The following KSR1 variants were observed in gnomAD, a reference collection of about 807,000 sequenced individuals.
KSR1 encodes the protein kinase suppressor of ras.
A neutral mutation model predicts 92.9 loss-of-function variants in KSR1; 35 were observed. The ratio of observed to expected loss-of-function variants is 0.38; its 90% confidence interval spans 0.29 to 0.50. The LOEUF is 0.50. KSR1 is among the 20% of genes least tolerant of loss of function. The probability of loss-of-function intolerance (pLI) is 0.94; values close to 1 mark genes in which losing one functional copy is unlikely to be tolerated. For missense variants in KSR1, 972 were observed against 1,158.5 expected (o/e 0.84, Z 2.34); for synonymous variants, 467 against 472.6 (o/e 0.99, Z 0.15).
At chr17:27,592,275 C>T (rs1395760397) in intron 7 of KSR1, 86 bp from the exon 8 acceptor site, 2 of 1,016,250 alleles carry the variant, frequency 2.0e-6, no homozygotes, top group African/African-American at 1.6e-5. Context: ...GGAGACAGTC[C>T]TGAGTGAATG....
At chr17:27,522,872 T>C (rs560000984) in intron 1 of KSR1, among the ~76,000 whole-genome samples, 2 of 152,294 alleles carry the variant, frequency 1.3e-5, no homozygotes, top group East Asian at 3.9e-4. Context: ...AGACAACATT[T>C]TGGGGAGAGT....
intron 3 of KSR1, among the ~76,000 whole-genome samples, chr17:27,582,434 A>G (rs1672698627): frequency 6.6e-6 from 1 of 152,164 alleles, no homozygotes; most frequent in African/African-American, 2.4e-5. Flanking sequence ...AACCTGTGGT[A>G]GTATCTGCGC....
chr17:27,516,852 C>T (rs972344705), intron 1 of KSR1, among the ~76,000 whole-genome samples: 23 of 152,062 alleles, frequency 1.5e-4, no homozygotes, highest in Non-Finnish European at 2.9e-4. Context: ...TATACATTTT[C>T]GTGAGACATA....
intron 9 of KSR1, among the ~76,000 whole-genome samples, chr17:27,596,718 C>T (rs1443065971): frequency 1.3e-5 from 2 of 152,218 alleles, no homozygotes; most frequent in Non-Finnish European, 2.9e-5. Context: ...GACTGTACAC[C>T]TCTCGCTTAT....
intron 2 of KSR1, among the ~76,000 whole-genome samples, chr17:27,561,740 C>A (rs1479313213): frequency 1.3e-5 from 2 of 152,206 alleles, no homozygotes; most frequent in Non-Finnish European, 2.9e-5. Context: ...TATCTTGAGC[C>A]AAAGGTACCC....
intron 2 of KSR1, among the ~76,000 whole-genome samples, chr17:27,561,676 T>A (rs2945398): frequency 2.0e-5 from 3 of 152,046 alleles, no homozygotes; most frequent in East Asian, 1.9e-4. Flanking sequence ...GTTCCTGTCC[T>A]TCTGGAACTG....
chr17:27,489,172 C>T (rs965906101), intron 1 of KSR1, among the ~76,000 whole-genome samples: 7 of 152,140 alleles, frequency 4.6e-5, no homozygotes, highest in East Asian at 1.9e-4. Context: ...CCCTGGGGGC[C>T]GGGCCCGTGG....
At chr17:27,520,885 CCT>C (rs1464105497) in intron 1 of KSR1, among the ~76,000 whole-genome samples, 1 of 152,224 alleles carries the variant, frequency 6.6e-6, no homozygotes, top group Non-Finnish European at 1.5e-5. Context: ...CGTGTGATTC[CCT>C]GTTTGCCAGT....
intron 1 of KSR1, among the ~76,000 whole-genome samples, chr17:27,526,094 TTCTCTCTCTC>T (rs59170484): frequency 5.1e-5 from 6 of 118,402 alleles, no homozygotes; most frequent in African/African-American, 2.2e-4. Context: ...CTTTCTTTCT[TTCTCTCTCTC>T]TCTCTCTCTC....
chr17:27,551,558 CT>C (rs879870892), intron 2 of KSR1, among the ~76,000 whole-genome samples: 145 of 147,120 alleles, frequency 9.9e-4, no homozygotes, highest in African/African-American at 2.5e-3. Context: ...TCATTAAGGT[CT>C]TTTTTTTTTT....
Position 27,456,585 on chromosome 17 carries a change from G to A in KSR1, c.-59G>A. 2.2e-6 allele frequency: 1 copy of A among 460,624 alleles called. No homozygotes were observed. The highest frequency in any genetic ancestry group is 3.7e-6 in the Non-Finnish European group (1 of 267,338). The allele number at this position is 460,624 out of a possible 1,614,324, so 28.5% of individuals were successfully genotyped here. A position where few individuals can be genotyped will look rare whatever the true frequency, so the allele number is the denominator to read the frequency against. ...AGCTCTCCTGGCTCGGGGGTTCCTT[G>A]CCGAGGCGCCCGCGCCCCGGGCTCC... On this transcript the variant is annotated 5_prime_UTR_variant, in exon 1 of 21. Transcript: ENST00000644974.
chr17:27,524,548 A>G (rs1276517244), intron 1 of KSR1, among the ~76,000 whole-genome samples: 1 of 152,228 alleles, frequency 6.6e-6, no homozygotes, highest in Non-Finnish European at 1.5e-5. Flanking sequence ...AGGTGAGGAT[A>G]GGCAAATCCA....
intron 1 of KSR1, among the ~76,000 whole-genome samples, chr17:27,518,778 A>T (rs2945411): frequency 6.6e-6 from 1 of 152,086 alleles, no homozygotes; most frequent in Non-Finnish European, 1.5e-5. Flanking sequence ...CTCCCTCTCC[A>T]CCAAAGGCAT....
chr17:27,571,832 A>G (rs550745839), intron 2 of KSR1, among the ~76,000 whole-genome samples: 48 of 152,264 alleles, frequency 3.2e-4, no homozygotes, highest in Admixed American at 9.8e-4. Flanking sequence ...CGCCCCTGGC[A>G]TTTTCCTGGT....
chr17:27,516,377 C>T (rs2069793727), intron 1 of KSR1, among the ~76,000 whole-genome samples: 1 of 152,060 alleles, frequency 6.6e-6, no homozygotes, highest in Admixed American at 6.5e-5. Context: ...GATTGGGCCA[C>T]CCTGGGAGGG....
chr17:27,614,315 CT>C (rs1292974264), intron 18 of KSR1, among the ~76,000 whole-genome samples: 1 of 152,218 alleles, frequency 6.6e-6, no homozygotes, highest in African/African-American at 2.4e-5. Context: ...GTTTTAACCT[CT>C]CTTTACAAGA....
intron 1 of KSR1, among the ~76,000 whole-genome samples, chr17:27,528,918 A>G (rs538307292): frequency 6.6e-6 from 1 of 152,194 alleles, no homozygotes; most frequent in South Asian, 2.1e-4. Flanking sequence ...GGAAAAAAAA[A>G]CCACAAAAAT....
chr17:27,478,691 T>C (rs2068416865), intron 1 of KSR1, among the ~76,000 whole-genome samples: 1 of 152,006 alleles, frequency 6.6e-6, no homozygotes, highest in South Asian at 2.1e-4. Context: ...TGGATCACCA[T>C]TGGAGGAGTG....
intron 2 of KSR1, among the ~76,000 whole-genome samples, chr17:27,570,788 T>C (rs2072275197): frequency 6.6e-6 from 1 of 152,240 alleles, no homozygotes. Flanking sequence ...AGACCTGTTC[T>C]GTCCTGGGCT....
Sources: allele counts gnomAD v4.1 joint callset (sites outside exome capture counted in the v4.1 genomes callset), GRCh38; gene constraint gnomAD v4.1.1; transcripts MANE v1.5; gene names NCBI Gene and HGNC (gene_info 2026-07-23, HGNC 2026-07-21).